MOXD1: variants seen among roughly 807,000 people sequenced by gnomAD.
MOXD1 encodes the protein monooxygenase DBH like 1.
A neutral mutation model predicts 66.6 loss-of-function variants in MOXD1; 62 were observed. That is an observed-to-expected ratio of 0.93 (90% confidence interval 0.76 to 1.15). The LOEUF is 1.15. MOXD1 is among the 50% of genes most tolerant of loss of function. The pLI is 0.00. For synonymous variants in MOXD1, 303 were observed against 281.9 expected (o/e 1.07, Z -0.75); for missense variants, 847 against 754.6 (o/e 1.12, Z -1.44).
At chr6:132,329,721 T>G (rs1436558091) in intron 4 of MOXD1, among the ~76,000 whole-genome samples, 2 of 152,110 alleles carry the variant, frequency 1.3e-5, no homozygotes, top group Non-Finnish European at 2.9e-5. Context: ...GCCTAAAATA[T>G]GAGGATTTCC....
chr6:132,364,494 A>G (rs1228654237), intron 4 of MOXD1, among the ~76,000 whole-genome samples: 1 of 152,174 alleles, frequency 6.6e-6, no homozygotes, highest in East Asian at 1.9e-4. Context: ...GCAAGTCAAG[A>G]TGCAAGCTAT....
At chr6:132,347,089 A>G (rs907814405) in intron 4 of MOXD1, among the ~76,000 whole-genome samples, 2 of 152,244 alleles carry the variant, frequency 1.3e-5, no homozygotes, top group African/African-American at 4.8e-5. Flanking sequence ...TACACAAGTT[A>G]TCACATTTAA....
In MOXD1 at chr6:132,314,208, A is replaced by G. The variant is rs1381656299; in HGVS notation, c.1508+1427T>C. Among the ~76,000 whole-genome samples the G allele has an allele frequency of 2.0e-5, 3 of 152,168 alleles. 1 individual carries two copies. Among genetic ancestry groups the G allele is most frequent in the Admixed American group, 1.3e-4 (2 of 15,276 alleles). The stretch of plus-strand genomic sequence containing the variant: ...CATCACTGAGCCTTTACTCTGCTCT[A>G]TCCCTCACTGCCTCCATGAGATGCC... On this transcript the variant is annotated intron_variant, in intron 10 of 11. Coordinates refer to ENST00000367963, the MANE Select transcript of MOXD1 (RefSeq NM_015529.4).
At chr6:132,337,170 A>C (rs1379874533) in intron 4 of MOXD1, among the ~76,000 whole-genome samples, 1 of 152,252 alleles carries the variant, frequency 6.6e-6, no homozygotes, top group Non-Finnish European at 1.5e-5. Context: ...TTTCCTCTTA[A>C]TAAATGAATC....
At chr6:132,342,253 G>T (rs559640287) in intron 4 of MOXD1, among the ~76,000 whole-genome samples, 2 of 152,312 alleles carry the variant, frequency 1.3e-5, no homozygotes, top group East Asian at 3.9e-4. Context: ...GCCTGCCTCA[G>T]CCTCCCAAAG....
rs1331296012 is a variant in MOXD1, at chr6:132,401,315, A to G, written c.112T>C (p.Trp38Arg). The G allele has an allele frequency of 1.3e-6, 2 of 1,594,188 alleles. No homozygotes were observed. Residue 38 changes from tryptophan (W) to arginine (R), a missense_variant, in exon 1 of 12, where the codon TGG becomes CGG. Transcript: ENST00000367963. ...CTGCCCCGCTGGCTCCAGCCCAGCCAGTACTTGCCCTCCGAGTCCAGGAGG... is the reference window on the plus strand; with the variant it reads ...CTGCCCCGCTGGCTCCAGCCCAGCCGGTACTTGCCCTCCGAGTCCAGGAGG... ...RTLLDSEGKY[W>R]LGWSQRGSQI...
chr6:132,306,234 C>T (rs1298459744), intron 10 of MOXD1, among the ~76,000 whole-genome samples: 7 of 151,564 alleles, frequency 4.6e-5, no homozygotes, highest in Admixed American at 3.9e-4. Context: ...TATCAACAGC[C>T]GAATCAACCA....
rs149698875 is a variant in MOXD1 at position 132,373,597 on chromosome 6, A to G, written c.412-600T>C. 2.8e-4 allele frequency among the ~76,000 whole-genome samples: 42 copies of G among 152,306 alleles called. No individual in the cohort carries two copies. The East Asian group carries it at 7.7e-3, about 28-fold the overall frequency. On this transcript the variant is annotated intron_variant, in intron 2 of 11. Transcript: ENST00000367963. Reference sequence around the variant, plus strand: ...ATTTTATGAATCCTGGGAATTTCCTAGGGACTGGTTTACCACAACTATGGA... The same window carrying G: ...ATTTTATGAATCCTGGGAATTTCCTGGGGACTGGTTTACCACAACTATGGA...
chr6:132,305,484 C>T (rs1774668519), intron 10 of MOXD1, among the ~76,000 whole-genome samples: 1 of 152,204 alleles, frequency 6.6e-6, no homozygotes, highest in Non-Finnish European at 1.5e-5. Context: ...GGTTTTCTCC[C>T]AACAAGGCAC....
intron 1 of MOXD1, among the ~76,000 whole-genome samples, chr6:132,398,091 CTCCACA>C (rs1314227376): frequency 6.6e-6 from 1 of 152,208 alleles, no homozygotes; most frequent in Non-Finnish European, 1.5e-5. Flanking sequence ...TCATTCCACA[CTCCACA>C]TCCTTGTGTA....
rs1776984134 is a variant in MOXD1 at position 132,399,952 on chromosome 6, G to T, written c.264+1211C>A. On this transcript the variant is annotated intron_variant, in intron 1 of 11. Coordinates refer to ENST00000367963, the MANE Select transcript of MOXD1 (RefSeq NM_015529.4). ...TATACATCAGTGACTTCAGCAGAAT[G>T]CAATCCTCATAAAACTTTATTTTAT... 2.0e-5 allele frequency among the ~76,000 whole-genome samples: 3 copies of T among 152,146 alleles called. No individual in the cohort carries two copies. The South Asian group carries it at 6.2e-4, about 32-fold the overall frequency.
chr6:132,327,926 C>T (rs1017037403), intron 6 of MOXD1, 87 bp downstream of exon 6: 6 of 983,902 alleles, frequency 6.1e-6, no homozygotes, highest in Non-Finnish European at 9.5e-6. Flanking sequence ...ACACTGGCTG[C>T]TATTTTGTTT....
intron 1 of MOXD1, among the ~76,000 whole-genome samples, chr6:132,397,814 C>A (rs1209442160): frequency 6.6e-6 from 1 of 152,066 alleles, no homozygotes; most frequent in Non-Finnish European, 1.5e-5. Flanking sequence ...ACTCACAAAA[C>A]CCCCAGTTCC....
chr6:132,355,289 C>T (rs1319195827), intron 4 of MOXD1, among the ~76,000 whole-genome samples: 1 of 152,108 alleles, frequency 6.6e-6, no homozygotes, highest in Non-Finnish European at 1.5e-5. Context: ...GCAGGGATGG[C>T]ATGCTTAGGG....
At chr6:132,383,844 C>T (rs775224343) in intron 1 of MOXD1, among the ~76,000 whole-genome samples, 4 of 152,030 alleles carry the variant, frequency 2.6e-5, no homozygotes, top group Non-Finnish European at 5.9e-5. Context: ...CCAAGGCGGG[C>T]AGATCACCTG....
chr6:132,382,397 C>G (rs915792458), intron 1 of MOXD1, among the ~76,000 whole-genome samples: 1 of 152,030 alleles, frequency 6.6e-6, no homozygotes, highest in Admixed American at 6.5e-5. Context: ...TAATGTTATT[C>G]TATATAAATG....
Position 132,297,325 on chromosome 6 carries a change from T to C in MOXD1, c.1678-8A>G. On this transcript the variant is annotated splice_polypyrimidine_tract_variant and splice_region_variant and intron_variant, in intron 11 of 11. Transcript: ENST00000367963. ...TGCTGTCATTCCTTGAATCTGAAAA[T>C]GGAAGCACAAACAATGCAAATGAAC... 6.2e-7 allele frequency: 1 copy of C among 1,611,724 alleles called. No individual in the cohort carries two copies. Among genetic ancestry groups the C allele is most frequent in the Non-Finnish European group, 8.5e-7 (1 of 1,178,732 alleles).
chr6:132,297,799 A>G lies in MOXD1; in HGVS notation c.1665T>C (p.Asn555=), dbSNP rs1774442429. Residue 555 remains asparagine (N), a synonymous_variant, in exon 11 of 12, where the codon AAT becomes AAC. Coordinates refer to ENST00000367963, the MANE Select transcript of MOXD1 (RefSeq NM_015529.4). ...PVNVRCSKTD[N]AEWSIQGMTA... The stretch of plus-strand genomic sequence containing the variant: ...AAAAAGAGCTTACCGACCACTCAGC[A>G]TTGTCTGTCTTGGAACATCTCACAT... 2 of 1,604,704 alleles carry G rather than the reference A, an allele frequency of 1.2e-6. No homozygotes were observed. The highest frequency in any genetic ancestry group is 1.7e-5 in the Admixed American group (1 of 57,598).
At chr6:132,378,944 C>G (rs1776453501) in intron 1 of MOXD1, among the ~76,000 whole-genome samples, 1 of 110,382 alleles carries the variant, frequency 9.1e-6, no homozygotes, top group Non-Finnish European at 1.7e-5. Context: ...GTTGCCCAGG[C>G]TGGAGTGCAA....
Sources: gnomAD v4.1 joint callset for allele counts (sites outside exome capture counted in the v4.1 genomes callset) on GRCh38, gnomAD v4.1.1 for gene constraint, MANE v1.5 for transcripts, NCBI Gene and HGNC (gene_info 2026-07-23, HGNC 2026-07-21) for gene names.